FAM168A: variants seen among roughly 807,000 people sequenced by gnomAD.
FAM168A encodes protein FAM168A.
A neutral mutation model predicts 28.5 loss-of-function variants in FAM168A; 3 were observed. The observed-to-expected ratio is 0.11, with a 90% CI of 0.05 to 0.27. The LOEUF is 0.27. Among genes scored for constraint, FAM168A ranks in the 10% least tolerant of loss-of-function variants. FAM168A has a pLI of 1.00. For synonymous variants in FAM168A, 122 were observed against 124.2 expected (o/e 0.98, Z 0.12); for missense variants, 222 against 311.5 (o/e 0.71, Z 2.16).
intron 1 of FAM168A, among the ~76,000 whole-genome samples, chr11:73,476,574 T>C (rs879310574): frequency 3.3e-5 from 5 of 152,160 alleles, no homozygotes; most frequent in Non-Finnish European, 5.9e-5. Flanking sequence ...CAATAAAGTA[T>C]GTCCCATTTG....
intron 1 of FAM168A, among the ~76,000 whole-genome samples, chr11:73,507,484 G>A (rs1321097032): frequency 1.3e-5 from 2 of 152,172 alleles, no homozygotes; most frequent in Non-Finnish European, 2.9e-5. Flanking sequence ...AGAGGGTAGT[G>A]GCTGGGAGGA....
intron 1 of FAM168A, among the ~76,000 whole-genome samples, chr11:73,543,199 C>A (rs1163708957): frequency 6.6e-6 from 1 of 151,580 alleles, no homozygotes; most frequent in Non-Finnish European, 1.5e-5. Context: ...GCTGTATCCC[C>A]GGAGCTAAGA....
chr11:73,417,041 A>C (rs187699778), intron 4 of FAM168A, among the ~76,000 whole-genome samples: 24 of 152,292 alleles, frequency 1.6e-4, no homozygotes, highest in African/African-American at 5.3e-4. Context: ...TGGACACTTA[A>C]TGGGATTTCA....
intron 1 of FAM168A, among the ~76,000 whole-genome samples, chr11:73,470,754 G>C (rs1867802912): frequency 1.3e-5 from 2 of 152,140 alleles, no homozygotes. Context: ...AAATTACCCA[G>C]TCTGTGGTAT....
At chr11:73,481,832 G>A (rs781403224) in intron 1 of FAM168A, among the ~76,000 whole-genome samples, 1 of 152,198 alleles carries the variant, frequency 6.6e-6, no homozygotes, top group Non-Finnish European at 1.5e-5. Context: ...ATGCAACAGT[G>A]TTGGGAGATA....
At chr11:73,484,998 T>A (rs1868034631) in intron 1 of FAM168A, among the ~76,000 whole-genome samples, 2 of 152,140 alleles carry the variant, frequency 1.3e-5, no homozygotes, top group Non-Finnish European at 2.9e-5. Context: ...CCACCCAGAT[T>A]AAGGGTGGGT....
At chr11:73,555,632 C>T (rs1358145790) in intron 1 of FAM168A, among the ~76,000 whole-genome samples, 3 of 150,980 alleles carry the variant, frequency 2.0e-5, no homozygotes, top group African/African-American at 4.9e-5. Flanking sequence ...TGCTTGAACC[C>T]GGGAGGCAGC....
intron 2 of FAM168A, among the ~76,000 whole-genome samples, chr11:73,462,518 C>T (rs938216523): frequency 3.3e-5 from 5 of 152,112 alleles, no homozygotes; most frequent in Non-Finnish European, 7.4e-5. Flanking sequence ...TTCTGTGAAT[C>T]AATAGTGACG....
chr11:73,467,597 C>A (rs988392775), intron 2 of FAM168A, among the ~76,000 whole-genome samples: 1 of 152,188 alleles, frequency 6.6e-6, no homozygotes, highest in Non-Finnish European at 1.5e-5. Flanking sequence ...CTGTTCTCTT[C>A]CTTCTCTAGT....
intron 1 of FAM168A, among the ~76,000 whole-genome samples, chr11:73,516,695 T>C (rs2134644982): frequency 6.6e-6 from 1 of 152,328 alleles, no homozygotes; most frequent in South Asian, 2.1e-4. Flanking sequence ...ATTTTGAGTG[T>C]CTCTAGGCAG....
chr11:73,424,214 C>A (rs1043006024), intron 3 of FAM168A, among the ~76,000 whole-genome samples: 2 of 152,120 alleles, frequency 1.3e-5, no homozygotes, highest in South Asian at 4.1e-4. Flanking sequence ...CTGACAGATG[C>A]GCGACACACA....
At chr11:73,525,221 T>C (rs1485566530) in intron 1 of FAM168A, among the ~76,000 whole-genome samples, 1 of 152,198 alleles carries the variant, frequency 6.6e-6, no homozygotes, top group Non-Finnish European at 1.5e-5. Context: ...TATTTAAGAC[T>C]AAGAAACATA....
At chr11:73,475,208 T>C (rs370848414) in intron 1 of FAM168A, among the ~76,000 whole-genome samples, 1 of 152,158 alleles carries the variant, frequency 6.6e-6, no homozygotes, top group Admixed American at 6.5e-5. Flanking sequence ...TTAAACTTAG[T>C]GTTTTAGTTT....
At chr11:73,528,701 T>C (rs1240638772) in intron 1 of FAM168A, among the ~76,000 whole-genome samples, 1 of 152,330 alleles carries the variant, frequency 6.6e-6, no homozygotes, top group South Asian at 2.1e-4. Flanking sequence ...CCTGGACCTC[T>C]GTCCTGTAAC....
At chr11:73,462,869 A>C (rs762210736) in intron 2 of FAM168A, among the ~76,000 whole-genome samples, 8 of 151,788 alleles carry the variant, frequency 5.3e-5, no homozygotes, top group Non-Finnish European at 1.0e-4. Context: ...TCAGAAGAAA[A>C]GAGAAGAGAA....
At chr11:73,493,054 T>C (rs993657583) in intron 1 of FAM168A, among the ~76,000 whole-genome samples, 1 of 152,094 alleles carries the variant, frequency 6.6e-6, no homozygotes, top group Non-Finnish European at 1.5e-5. Flanking sequence ...ACTGAAAAAC[T>C]ACCTATTGGG....
At chr11:73,589,618 C>T (rs1437800822) in intron 1 of FAM168A, among the ~76,000 whole-genome samples, 5 of 152,104 alleles carry the variant, frequency 3.3e-5, no homozygotes, top group Non-Finnish European at 7.3e-5. Flanking sequence ...GAGGAATATC[C>T]ACAATTATAT....
chr11:73,482,867 T>G (rs954228848), intron 1 of FAM168A, among the ~76,000 whole-genome samples: 1 of 152,116 alleles, frequency 6.6e-6, no homozygotes, highest in African/African-American at 2.4e-5. Context: ...GCCTCCCAAG[T>G]AGCTGGGATT....
rs80085871 is a variant in FAM168A at position 73,546,343 on chromosome 11, A to G, written c.-19+51580T>C. Among the ~76,000 whole-genome samples the G allele has an allele frequency of 3.0e-4, 45 of 152,376 alleles. No individual in the cohort carries two copies. The East Asian group carries it at 8.7e-3, about 29-fold the overall frequency. On this transcript the variant is annotated intron_variant, in intron 1 of 7. Coordinates refer to ENST00000356467, the MANE Select transcript of FAM168A (RefSeq NM_015159.3). ...AGAGTATACCCCAGCAAATCAATCAAGAGCCATAAGCACCTTGGACTAATT... is the reference window on the plus strand; with the variant it reads ...AGAGTATACCCCAGCAAATCAATCAGGAGCCATAAGCACCTTGGACTAATT...
Sources: allele counts gnomAD v4.1 joint callset (sites outside exome capture counted in the v4.1 genomes callset), GRCh38; gene constraint gnomAD v4.1.1; transcripts MANE v1.5; gene names NCBI Gene and HGNC (gene_info 2026-07-23, HGNC 2026-07-21).